Variants in PXN observed in about 807,000 individuals in gnomAD.
PXN encodes the protein testicular tissue protein Li 134.
Under a neutral mutation model 103.6 loss-of-function variants are expected in PXN, and 61 were observed. The observed-to-expected ratio is 0.59, with a 90% CI of 0.48 to 0.73. The LOEUF (loss-of-function observed/expected upper bound fraction) is 0.73. Ranked by LOEUF, PXN falls within the 30% of genes least tolerant of loss-of-function variation. The pLI, the probability that PXN is intolerant of heterozygous loss-of-function variation, is 0.00. For missense variants in PXN, 1,274 were observed against 1,460.3 expected (o/e 0.87, Z 2.08); for synonymous variants, 562 against 607.8 (o/e 0.92, Z 1.11).
At position 120,220,474 on chromosome 12, in the gene PXN, C is replaced by T. The variant is rs1884783378; in HGVS notation, c.832-383G>A. On this transcript the variant is annotated intron_variant, in intron 6 of 14. Coordinates refer to ENST00000637617, the MANE Select transcript of PXN (RefSeq NM_001385981.1). This position sits in a 1 kb window ranked among gnomAD's most constrained non-coding sequence, Gnocchi z 6.1. ...GAACCCGCCTCGGACACTGGCCCAA[C>T]TCGGCCATGTCCCTCCGGACAATCC... is the stretch of plus-strand genomic sequence containing the variant. 1.3e-5 allele frequency among the ~76,000 whole-genome samples: 2 copies of T among 152,218 alleles called. No homozygotes were observed. The highest frequency in any genetic ancestry group is 4.1e-4 in the South Asian group (2 of 4,836).
rs1886563282 is a variant in PXN at position 120,225,319 on chromosome 12, C to G, written c.14-942G>C. 1 of 154,322 alleles carries G rather than the reference C, an allele frequency of 6.5e-6. No individual in the cohort carries two copies. The highest frequency in any genetic ancestry group is 6.4e-5 in the Admixed American group (1 of 15,682). The allele number at this position is 154,322 out of a possible 1,614,324, so 9.6% of individuals were successfully genotyped here. ...TGGATGCCACACCCTCATTCCTGCC[C>G]CGTTCACAACTTGCTTGCTCTCAGC... On this transcript the variant is annotated intron_variant, in intron 1 of 14. Coordinates refer to ENST00000637617, the MANE Select transcript of PXN (RefSeq NM_001385981.1). This position sits in a 1 kb window ranked among gnomAD's most constrained non-coding sequence, Gnocchi z 4.4.
In PXN at chr12:120,221,070, A is replaced by G. The variant is rs944029048; in HGVS notation, c.831+553T>C. ...CCTGGCCCCATGGTTTCCCACAGACACGCTCGTGGGAACTCAGAGGCCCTG... is the reference window on the plus strand; with the variant it reads ...CCTGGCCCCATGGTTTCCCACAGACGCGCTCGTGGGAACTCAGAGGCCCTG... On this transcript the variant is annotated intron_variant, in intron 6 of 14. Transcript: ENST00000637617. The surrounding 1 kb of genome is among the most constrained non-coding windows in gnomAD (Gnocchi z 6.6). Among the ~76,000 whole-genome samples the G allele has an allele frequency of 7.2e-5, 11 of 152,160 alleles. No homozygotes were observed. The highest frequency in any genetic ancestry group is 1.6e-4 in the Non-Finnish European group (11 of 68,032).
chr12:120,257,102 G>A (rs945770720), intron 1 of PXN, among the ~76,000 whole-genome samples: 1 of 152,164 alleles, frequency 6.6e-6, no homozygotes, highest in African/African-American at 2.4e-5. Flanking sequence ...GGATCCAGAA[G>A]AGAATCGGCC....
chr12:120,212,350 A>T lies in PXN; in HGVS notation c.3210T>A (p.Pro1070=). The T allele has an allele frequency of 6.2e-7, 1 of 1,613,880 alleles. No individual in the cohort carries two copies. The highest frequency in any genetic ancestry group is 8.5e-7 in the Non-Finnish European group (1 of 1,179,862). ...GCTTGAGGAAGCAGTTCTGACAGTA[A>T]GGCTTGTCGTTCTGCTCCTTGAAGG... The part of the protein sequence containing the change: ...KGTFKEQNDK[P]YCQNCFLKLF... The change falls in exon 15 of 15, where the codon CCT becomes CCA. Residue 1070 remains proline, a synonymous_variant. Transcript: ENST00000637617. The surrounding 1 kb of genome is among the most constrained non-coding windows in gnomAD (Gnocchi z 7.2).
At chr12:120,249,975 A>G (rs1891885363) in intron 1 of PXN, 1 of 985,396 alleles carries the variant, frequency 1.0e-6, no homozygotes, top group African/African-American at 1.7e-5. Context: ...GACAGGCAGC[A>G]TGTGACCAGG....
At chr12:120,235,546 G>T (rs2136451246) in intron 1 of PXN, among the ~76,000 whole-genome samples, 1 of 152,184 alleles carries the variant, frequency 6.6e-6, no homozygotes, top group African/African-American at 2.4e-5. Context: ...TCCGTCCTCT[G>T]CTCGTCACCA....
chr12:120,247,019 C>G (rs1891284358), intron 1 of PXN, among the ~76,000 whole-genome samples: 1 of 151,526 alleles, frequency 6.6e-6, no homozygotes, highest in African/African-American at 2.4e-5. Flanking sequence ...CAGCAAGACC[C>G]TGTCTCTATA....
chr12:120,217,761 G>T lies in PXN; in HGVS notation c.1717-645C>A, dbSNP rs889084899. Among the ~76,000 whole-genome samples, 7 of 150,164 alleles carry T rather than the reference G, an allele frequency of 4.7e-5. No homozygotes were observed. Among genetic ancestry groups the T allele is most frequent in the African/African-American group, 1.7e-4 (7 of 40,890 alleles). On this transcript the variant is annotated intron_variant, in intron 7 of 14. Coordinates refer to ENST00000637617, the MANE Select transcript of PXN (RefSeq NM_001385981.1). This position sits in a 1 kb window ranked among gnomAD's most constrained non-coding sequence, Gnocchi z 4.1. ...CGCCTGGCTAATTTTTGTTGTTGTT[G>T]TTTTTTGTTTTTTTTTTTAGTAGAG...
Position 120,216,760 on chromosome 12 carries a change from C to T in PXN, c.1992+81G>A. 6.3e-7 allele frequency: 1 copy of T among 1,594,060 alleles called. No individual in the cohort carries two copies. The highest frequency in any genetic ancestry group is 8.5e-7 in the Non-Finnish European group (1 of 1,178,420). ...CCCTCTCCCCAGATCTCCCCTCCGG[C>T]CAGCACTGGGGCCAGGGAAGAACCC... On this transcript the variant is annotated intron_variant, in intron 8 of 14. Transcript: ENST00000637617. This position sits in a 1 kb window ranked among gnomAD's most constrained non-coding sequence, Gnocchi z 5.1.
chr12:120,212,634 C>T lies in PXN; in HGVS notation c.2980-54G>A. 1.9e-6 allele frequency: 3 copies of T among 1,572,896 alleles called. No homozygotes were observed. In the South Asian group the frequency reaches 3.5e-5, roughly 18 times the overall value. On this transcript the variant is annotated intron_variant, in intron 14 of 14. Transcript: ENST00000637617. This position sits in a 1 kb window ranked among gnomAD's most constrained non-coding sequence, Gnocchi z 7.2. ...GCTGCCCCTCGGGCTAGAGCTGCAC[C>T]CTGTGTGATGGGGCCGAGGTGGGCA...
chr12:120,221,073 C>T lies in PXN; in HGVS notation c.831+550G>A, dbSNP rs1284893606. On this transcript the variant is annotated intron_variant, in intron 6 of 14. Transcript: ENST00000637617. This position sits in a 1 kb window ranked among gnomAD's most constrained non-coding sequence, Gnocchi z 6.6. ...GGCCCCATGGTTTCCCACAGACACG[C>T]TCGTGGGAACTCAGAGGCCCTGGAG... Among the ~76,000 whole-genome samples, 1 of 152,176 alleles carries T rather than the reference C, an allele frequency of 6.6e-6. No individual in the cohort carries two copies. The highest frequency in any genetic ancestry group is 1.5e-5 in the Non-Finnish European group (1 of 68,028).
chr12:120,264,702 G>T (rs944068535), intron 1 of PXN, among the ~76,000 whole-genome samples: 2 of 152,220 alleles, frequency 1.3e-5, no homozygotes, highest in African/African-American at 4.8e-5. Flanking sequence ...GACGCAGAGA[G>T]GGTGGAGGGG....
chr12:120,263,889 C>T (rs1212997326), intron 1 of PXN, among the ~76,000 whole-genome samples: 1 of 152,140 alleles, frequency 6.6e-6, no homozygotes, highest in African/African-American at 2.4e-5. Context: ...CGGGGACTGC[C>T]GAGAAGCAAC....
rs756362002 is a variant in PXN, at chr12:120,224,243, G to T, written c.148C>A (p.Pro50Thr). ...AGGGCCTCGCTGGACGGGGGTGGGG[G>T]GACGGGGGGTGGCACGGCAATCTCC... ...YQEIAVPPPV[P>T]PPPSSEALNG... is the part of the protein sequence containing the mutation. The change falls in exon 2 of 15, where the codon CCC becomes ACC. Residue 50 changes from proline (P) to threonine (T), a missense_variant. Around this residue, in one of 2 missense-constraint regions of PXN, gnomAD observed 1,178 missense variants for 1,309.0 expected, o/e 0.90. Coordinates refer to ENST00000637617, the MANE Select transcript of PXN (RefSeq NM_001385981.1). This position sits in a 1 kb window ranked among gnomAD's most constrained non-coding sequence, Gnocchi z 5.0. 4 of 1,612,294 alleles carry T rather than the reference G, an allele frequency of 2.5e-6. No homozygotes were observed. Among genetic ancestry groups the T allele is most frequent in the African/African-American group, 1.3e-5 (1 of 74,898 alleles).
Position 120,211,579 on chromosome 12 carries a change from T to C in PXN, c.*735A>G, listed in dbSNP as rs1005100885. On this transcript the variant is annotated 3_prime_UTR_variant, in exon 15 of 15. Coordinates refer to ENST00000637617, the MANE Select transcript of PXN (RefSeq NM_001385981.1). ...AGAAGTAAAAGCAACTCAGGCGATATGAATTCAAACCTCAGTGTAGAAATC... is the reference window on the plus strand; with the variant it reads ...AGAAGTAAAAGCAACTCAGGCGATACGAATTCAAACCTCAGTGTAGAAATC... The C allele has an allele frequency of 1.9e-5, 4 of 208,772 alleles. No homozygotes were observed. The highest frequency in any genetic ancestry group is 1.1e-4 in the East Asian group (1 of 8,860). The allele number at this position is 208,772 out of a possible 1,614,324, so 12.9% of individuals were successfully genotyped here. A position where few individuals can be genotyped will look rare whatever the true frequency, so the allele number is the denominator to read the frequency against.
At chr12:120,237,146 TATAC>T (rs1205438711) in intron 1 of PXN, among the ~76,000 whole-genome samples, 2 of 125,460 alleles carry the variant, frequency 1.6e-5, no homozygotes, top group Non-Finnish European at 3.2e-5. Flanking sequence ...TGTGTGTGTG[TATAC>T]ACACACACAC....
Position 120,222,838 on chromosome 12 carries a change from C to A in PXN, c.493+25G>T, listed in dbSNP as rs763296177. The A allele has an allele frequency of 3.1e-6, 5 of 1,611,714 alleles. No homozygotes were observed. The highest frequency in any genetic ancestry group is 1.1e-5 in the South Asian group (1 of 90,832). ...CAGATGGGCCCTGGGCCCTGGTAGA[C>A]CCTGCCCCAGGGACCCGGTCCTACC... On this transcript the variant is annotated intron_variant, in intron 4 of 14. Coordinates refer to ENST00000637617, the MANE Select transcript of PXN (RefSeq NM_001385981.1). This position sits in a 1 kb window ranked among gnomAD's most constrained non-coding sequence, Gnocchi z 4.7.
chr12:120,216,128 G>A lies in PXN; in HGVS notation c.2301+145C>T. 3 of 1,281,614 alleles carry A rather than the reference G, an allele frequency of 2.3e-6. No homozygotes were observed. Among genetic ancestry groups the A allele is most frequent in the Non-Finnish European group, 3.0e-6 (3 of 1,016,604 alleles). The allele number at this position is 1,281,614 out of a possible 1,614,324, so 79.4% of individuals were successfully genotyped here. A position where few individuals can be genotyped will look rare whatever the true frequency, so the allele number is the denominator to read the frequency against. On this transcript the variant is annotated intron_variant, in intron 9 of 14. Coordinates refer to ENST00000637617, the MANE Select transcript of PXN (RefSeq NM_001385981.1). This position sits in a 1 kb window ranked among gnomAD's most constrained non-coding sequence, Gnocchi z 5.1. Reference sequence around the variant, plus strand: ...AGACCGGGGTCAAGGTTTACGGCAGGACTGTGGTTACTGTGCTGGGGCTTG... The same window carrying A: ...AGACCGGGGTCAAGGTTTACGGCAGAACTGTGGTTACTGTGCTGGGGCTTG...
At chr12:120,226,403 C>G in intron 1 of PXN, 5 of 1,289,194 alleles carry the variant, frequency 3.9e-6, no homozygotes, top group Non-Finnish European at 5.1e-6. Context: ...GGTATAACTG[C>G]GGTTCAGAGG....
Sources: allele counts gnomAD v4.1 joint callset (sites outside exome capture counted in the v4.1 genomes callset), GRCh38; gene constraint gnomAD v4.1.1; regional missense constraint gnomAD v4.1.1; non-coding constraint Gnocchi (gnomAD v3.1); transcripts MANE v1.5; gene names NCBI Gene and HGNC (gene_info 2026-07-23, HGNC 2026-07-21).